Variants in PTPRN2 observed in about 807,000 individuals in gnomAD.
PTPRN2 encodes the protein receptor-type tyrosine-protein phosphatase N2.
A neutral mutation model predicts 118.8 loss-of-function variants in PTPRN2; 74 were observed. The observed-to-expected ratio is 0.62, with a 90% CI of 0.52 to 0.76. The LOEUF is 0.76. PTPRN2 is among the 30% of genes least tolerant of loss of function. PTPRN2 has a pLI of 0.00. For synonymous variants in PTPRN2, 641 were observed against 608.0 expected (o/e 1.05, Z -0.80); for missense variants, 1,481 against 1,394.4 (o/e 1.06, Z -0.99).
chr7:157,771,365 G>C (rs1802791569), intron 12 of PTPRN2, among the ~76,000 whole-genome samples: 1 of 152,200 alleles, frequency 6.6e-6, no homozygotes, highest in Non-Finnish European at 1.5e-5. Flanking sequence ...GATTCCTGGG[G>C]TACCTGCCCC....
In PTPRN2 at chr7:157,615,297, G is replaced by A; in HGVS notation, c.2344+6065C>T. The stretch of plus-strand genomic sequence containing the variant: ...CTCCAGAGAGGGCCCTGCAAGAGCG[G>A]TGTGCGTGGGTTGCGGCTGGGTCTG... On this transcript the variant is annotated intron_variant, in intron 15 of 22. Transcript: ENST00000389418. The surrounding 1 kb of genome is among the most constrained non-coding windows in gnomAD (Gnocchi z 4.3). 1 of 371,906 alleles carries A rather than the reference G, an allele frequency of 2.7e-6. No individual in the cohort carries two copies. Among genetic ancestry groups the A allele is most frequent in the South Asian group, 2.0e-5 (1 of 48,920 alleles). The allele number at this position is 371,906 out of a possible 1,614,324, so 23.0% of individuals were successfully genotyped here. A position where few individuals can be genotyped will look rare whatever the true frequency, so the allele number is the denominator to read the frequency against.
chr7:158,575,764 A>G (rs1324376869), intron 1 of PTPRN2, among the ~76,000 whole-genome samples: 1 of 152,090 alleles, frequency 6.6e-6, no homozygotes, highest in African/African-American at 2.4e-5. Flanking sequence ...GCATGTTTTT[A>G]TTTTCTCAGA....
intron 9 of PTPRN2, among the ~76,000 whole-genome samples, chr7:158,120,985 T>C (rs941158903): frequency 6.6e-6 from 1 of 152,236 alleles, no homozygotes; most frequent in African/African-American, 2.4e-5. Flanking sequence ...CCAGCCTCCC[T>C]GCTCCAAGCC....
Position 158,134,305 on chromosome 7 carries a change from C to G in PTPRN2, c.1174-246G>C, listed in dbSNP as rs190122809. 1.3e-3 allele frequency among the ~76,000 whole-genome samples: 202 copies of G among 152,264 alleles called. 1 individual carries two copies. The highest frequency in any genetic ancestry group is 4.3e-3 in the African/African-American group (177 of 41,546). ...TTTTCTCCTCCCTCCCGCTCCCTCT[C>G]ACACACATGCTCACACACACACCTC... On this transcript the variant is annotated intron_variant, in intron 8 of 22. Transcript: ENST00000389418.
chr7:157,730,560 A>T (rs1246177042), intron 12 of PTPRN2, among the ~76,000 whole-genome samples: 2 of 152,180 alleles, frequency 1.3e-5, no homozygotes, highest in Non-Finnish European at 2.9e-5. Flanking sequence ...TTCCCCCTCC[A>T]TCTGCCAAAA....
chr7:158,146,065 C>G (rs1209647527), intron 6 of PTPRN2, among the ~76,000 whole-genome samples: 1 of 106,718 alleles, frequency 9.4e-6, no homozygotes, highest in Non-Finnish European at 2.2e-5. Context: ...CACTCTTTTC[C>G]CCCTTTCCCA....
chr7:158,370,609 G>A (rs1809910204), intron 2 of PTPRN2, among the ~76,000 whole-genome samples: 1 of 151,774 alleles, frequency 6.6e-6, no homozygotes, highest in Non-Finnish European at 1.5e-5. Flanking sequence ...TAAATTAGCT[G>A]GGCGTGGTGG....
At chr7:157,792,968 G>A (rs1452918585) in intron 12 of PTPRN2, among the ~76,000 whole-genome samples, 1 of 152,214 alleles carries the variant, frequency 6.6e-6, no homozygotes, top group African/African-American at 2.4e-5. Flanking sequence ...GTGGAGGCAA[G>A]GGACCCCAGT....
intron 5 of PTPRN2, among the ~76,000 whole-genome samples, chr7:158,175,929 A>G (rs77222732): frequency 0.021 from 3,136 of 150,634 alleles, 98 homozygotes; most frequent in African/African-American, 0.073. Context: ...TGCCCTGCTC[A>G]AGACTCGCGA....
rs1585621408 is a variant in PTPRN2 at position 158,147,626 on chromosome 7, C to A, written c.911-9111G>T. Among the ~76,000 whole-genome samples, 5 of 117,112 alleles carry A rather than the reference C, an allele frequency of 4.3e-5. No homozygotes were observed. In the East Asian group the frequency reaches 8.0e-4, roughly 19 times the overall value. The allele number at this position is 117,112 out of a possible 152,430, so 76.8% of individuals were successfully genotyped here. A position where few individuals can be genotyped will look rare whatever the true frequency, so the allele number is the denominator to read the frequency against. On this transcript the variant is annotated intron_variant, in intron 6 of 22. Transcript: ENST00000389418. The stretch of plus-strand genomic sequence containing the variant: ...TGACACCCCATCTCACGCCACGTGT[C>A]TTTCCCCCTCAATGACACCCCATCT...
chr7:157,670,325 G>A (rs1010967591), intron 13 of PTPRN2, among the ~76,000 whole-genome samples: 2 of 151,562 alleles, frequency 1.3e-5, no homozygotes, highest in African/African-American at 4.8e-5. Context: ...CTTTTTCTTA[G>A]GGACTGCCTC....
At chr7:158,128,946 AACACACACAC>A (rs113152022) in intron 9 of PTPRN2, among the ~76,000 whole-genome samples, 1 of 149,830 alleles carries the variant, frequency 6.7e-6, no homozygotes, top group African/African-American at 2.5e-5. Context: ...CAGGCAACCA[AACACACACAC>A]ACACACACAA....
At chr7:158,206,886 C>A (rs1827196290) in intron 3 of PTPRN2, among the ~76,000 whole-genome samples, 1 of 149,128 alleles carries the variant, frequency 6.7e-6, no homozygotes, top group Non-Finnish European at 1.5e-5. Context: ...TATACATGTG[C>A]CATGCTGGTG....
intron 12 of PTPRN2, among the ~76,000 whole-genome samples, chr7:157,841,252 C>G (rs1029456946): frequency 6.6e-6 from 1 of 152,222 alleles, no homozygotes. Context: ...GCTTCTTCAC[C>G]GCCTTCACTC....
chr7:157,829,995 G>C (rs1025087390), intron 12 of PTPRN2, among the ~76,000 whole-genome samples: 2 of 152,114 alleles, frequency 1.3e-5, no homozygotes, highest in African/African-American at 4.8e-5. Context: ...ATTGTGTCCT[G>C]GTCACCAGAA....
rs1486946301 is a variant in PTPRN2, at chr7:158,003,340, G to A, written c.1723+77958C>T. ...GAGGCAGGAGAATGGCATGAACCTGGGAGGCGGAGCTTGCAGTGAGCCGAG... is the reference window on the plus strand; with the variant it reads ...GAGGCAGGAGAATGGCATGAACCTGAGAGGCGGAGCTTGCAGTGAGCCGAG... On this transcript the variant is annotated intron_variant, in intron 11 of 22. Coordinates refer to ENST00000389418, the MANE Select transcript of PTPRN2 (RefSeq NM_002847.5). This position sits in a 1 kb window ranked among gnomAD's most constrained non-coding sequence, Gnocchi z 5.0. 1.3e-5 allele frequency among the ~76,000 whole-genome samples: 2 copies of A among 150,602 alleles called. No homozygotes were observed. Among genetic ancestry groups the A allele is most frequent in the Admixed American group, 1.3e-4 (2 of 15,128 alleles).
At chr7:157,581,720 G>T (rs978756088) in intron 17 of PTPRN2, among the ~76,000 whole-genome samples, 2 of 152,226 alleles carry the variant, frequency 1.3e-5, no homozygotes, top group Non-Finnish European at 2.9e-5. Flanking sequence ...TTTGTTACAG[G>T]TTCAACGCTG....
intron 3 of PTPRN2, among the ~76,000 whole-genome samples, chr7:158,283,013 C>T (rs111521264): frequency 4.0e-5 from 6 of 151,410 alleles, no homozygotes; most frequent in African/African-American, 7.3e-5. Flanking sequence ...GCACAGCAGC[C>T]GGACACAGAT....
At chr7:157,880,350 A>G (rs1314677924) in intron 12 of PTPRN2, among the ~76,000 whole-genome samples, 1 of 152,254 alleles carries the variant, frequency 6.6e-6, no homozygotes, top group Non-Finnish European at 1.5e-5. Context: ...TCTATCAGGA[A>G]ATACATCGCA....
Sources: allele counts gnomAD v4.1 joint callset (sites outside exome capture counted in the v4.1 genomes callset), GRCh38; gene constraint gnomAD v4.1.1; non-coding constraint Gnocchi (gnomAD v3.1); transcripts MANE v1.5; gene names NCBI Gene and HGNC (gene_info 2026-07-23, HGNC 2026-07-21).